SETBP1: variants seen among roughly 807,000 people sequenced by gnomAD.
The protein encoded by SETBP1 is SET-binding protein.
A neutral mutation model predicts 101.0 loss-of-function variants in SETBP1; 9 were observed. The observed-to-expected ratio is 0.09, with a 90% CI of 0.05 to 0.16. SETBP1 has a LOEUF of 0.16. Ranked by LOEUF, SETBP1 falls within the 10% of genes least tolerant of loss-of-function variation. SETBP1 has a pLI of 1.00. For synonymous variants in SETBP1, 818 were observed against 788.5 expected (o/e 1.04, Z -0.63); for missense variants, 1,858 against 2,033.8 (o/e 0.91, Z 1.66).
intron 3 of SETBP1, among the ~76,000 whole-genome samples, chr18:44,875,065 G>A (rs1240535170): frequency 6.6e-6 from 1 of 152,186 alleles, no homozygotes; most frequent in East Asian, 1.9e-4. Context: ...GGGGGAGTGA[G>A]AGTCTTCCGA....
At chr18:44,722,005 G>A (rs1270415997) in intron 2 of SETBP1, among the ~76,000 whole-genome samples, 1 of 152,024 alleles carries the variant, frequency 6.6e-6, no homozygotes, top group Non-Finnish European at 1.5e-5. Context: ...AGGGTATCTG[G>A]ACATGTGTAT....
In SETBP1 at chr18:44,972,210, G is replaced by T. The variant is rs574634620; in HGVS notation, c.4000+18870G>T. ...TAGATATGTGGCATTATTTCTGAGGGCTCTGTCCTGTTCCATTGGTCTATA... is the reference window on the plus strand; with the variant it reads ...TAGATATGTGGCATTATTTCTGAGGTCTCTGTCCTGTTCCATTGGTCTATA... On this transcript the variant is annotated intron_variant, in intron 4 of 5. Coordinates refer to ENST00000649279, the MANE Select transcript of SETBP1 (RefSeq NM_015559.3). 6.4e-3 allele frequency among the ~76,000 whole-genome samples: 976 copies of T among 152,166 alleles called. 7 individuals are homozygous for T. Among genetic ancestry groups the T allele is most frequent in the African/African-American group, 0.022 (909 of 41,508 alleles).
chr18:44,908,214 C>G (rs1329981404), intron 3 of SETBP1, among the ~76,000 whole-genome samples: 1 of 152,076 alleles, frequency 6.6e-6, no homozygotes. Context: ...GCGCCCACCA[C>G]CATGCTCATC....
intron 2 of SETBP1, among the ~76,000 whole-genome samples, chr18:44,854,051 A>G (rs962852840): frequency 6.6e-6 from 1 of 152,108 alleles, no homozygotes; most frequent in Non-Finnish European, 1.5e-5. Context: ...ACAGCTCTAA[A>G]TTATATTTGG....
chr18:44,802,183 G>C (rs1465969), intron 2 of SETBP1, among the ~76,000 whole-genome samples: 59,793 of 151,976 alleles, frequency 0.39, 11,748 homozygotes, highest in South Asian at 0.46. Context: ...CACTGGCCCT[G>C]AATCTTTTTC....
chr18:44,723,650 C>T (rs1408889742), intron 2 of SETBP1, among the ~76,000 whole-genome samples: 1 of 152,198 alleles, frequency 6.6e-6, no homozygotes, highest in African/African-American at 2.4e-5. Context: ...CAGTTTGGCA[C>T]TTCTCTCTTG....
At chr18:44,899,320 A>G (rs867480052) in intron 3 of SETBP1, among the ~76,000 whole-genome samples, 1 of 152,324 alleles carries the variant, frequency 6.6e-6, no homozygotes, top group Admixed American at 6.5e-5. Context: ...CCAGACACCA[A>G]ACTTTTTTGG....
chr18:44,968,777 G>C (rs1297737221), intron 4 of SETBP1, among the ~76,000 whole-genome samples: 1 of 152,180 alleles, frequency 6.6e-6, no homozygotes, highest in Non-Finnish European at 1.5e-5. Flanking sequence ...GCAATGACTT[G>C]CTCCTTGAGA....
chr18:44,795,880 C>T (rs370057538), intron 2 of SETBP1, among the ~76,000 whole-genome samples: 10 of 152,198 alleles, frequency 6.6e-5, no homozygotes, highest in Non-Finnish European at 1.2e-4. Flanking sequence ...TTTGGCCCTA[C>T]ACTAAACATC....
At chr18:44,717,802 A>G (rs1259685969) in intron 2 of SETBP1, among the ~76,000 whole-genome samples, 1 of 152,212 alleles carries the variant, frequency 6.6e-6, no homozygotes, top group East Asian at 1.9e-4. Flanking sequence ...ATAAAATAAA[A>G]CAAAGATAAG....
At chr18:44,935,847 C>A (rs886518136) in intron 3 of SETBP1, among the ~76,000 whole-genome samples, 1 of 152,144 alleles carries the variant, frequency 6.6e-6, no homozygotes, top group Non-Finnish European at 1.5e-5. Flanking sequence ...CCATGCATGC[C>A]CTGCCTTTCA....
chr18:44,887,362 A>T (rs1212813310), intron 3 of SETBP1, among the ~76,000 whole-genome samples: 4 of 151,548 alleles, frequency 2.6e-5, no homozygotes, highest in Admixed American at 6.6e-5. Flanking sequence ...AGAAATTACA[A>T]CTCCTTTATC....
intron 2 of SETBP1, among the ~76,000 whole-genome samples, chr18:44,762,776 C>T (rs1169003541): frequency 6.6e-6 from 1 of 152,196 alleles, no homozygotes; most frequent in Non-Finnish European, 1.5e-5. Context: ...AAGGAACAGC[C>T]ATTTCTAAAG....
chr18:44,794,138 G>C (rs1320698089), intron 2 of SETBP1, among the ~76,000 whole-genome samples: 1 of 152,104 alleles, frequency 6.6e-6, no homozygotes, highest in East Asian at 1.9e-4. Context: ...ATAAGAGGGG[G>C]AATGGGGACA....
intron 2 of SETBP1, among the ~76,000 whole-genome samples, chr18:44,721,702 C>T: frequency 6.6e-6 from 1 of 152,120 alleles, no homozygotes; most frequent in East Asian, 1.9e-4. Context: ...TAAATATGAC[C>T]CATTCACACT....
chr18:44,704,722 A>G (rs2069183016), intron 2 of SETBP1, among the ~76,000 whole-genome samples: 1 of 152,236 alleles, frequency 6.6e-6, no homozygotes. Flanking sequence ...TGTGTGTGGA[A>G]AAGTTTAGTG....
chr18:44,786,338 A>G (rs567550150), intron 2 of SETBP1, among the ~76,000 whole-genome samples: 1 of 152,336 alleles, frequency 6.6e-6, no homozygotes, highest in Admixed American at 6.5e-5. Context: ...AATATTGACA[A>G]CAGCCCAGAT....
At chr18:44,831,049 T>C (rs2072351374) in intron 2 of SETBP1, among the ~76,000 whole-genome samples, 1 of 152,226 alleles carries the variant, frequency 6.6e-6, no homozygotes, top group Non-Finnish European at 1.5e-5. Flanking sequence ...TGTATAGAGC[T>C]GTCTTTTCTT....
At chr18:44,801,216 C>T (rs58049086) in intron 2 of SETBP1, among the ~76,000 whole-genome samples, 2 of 151,946 alleles carry the variant, frequency 1.3e-5, no homozygotes, top group East Asian at 1.9e-4. Context: ...ACCAACATGG[C>T]ACATGTATAC....
Sources: allele counts gnomAD v4.1 joint callset (sites outside exome capture counted in the v4.1 genomes callset), GRCh38; gene constraint gnomAD v4.1.1; transcripts MANE v1.5; gene names NCBI Gene and HGNC (gene_info 2026-07-23, HGNC 2026-07-21).